CALD1: variants seen among roughly 807,000 people sequenced by gnomAD.
CALD1 encodes the protein caldesmon.
A neutral mutation model predicts 99.9 loss-of-function variants in CALD1; 33 were observed. The ratio of observed to expected loss-of-function variants is 0.33; its 90% confidence interval spans 0.25 to 0.44. CALD1 has a LOEUF of 0.44. Among genes scored for constraint, CALD1 ranks in the 20% least tolerant of loss-of-function variants. The pLI is 1.00. For missense variants in CALD1, 861 were observed against 962.1 expected, an observed-to-expected ratio of 0.89 and a Z score of 1.39; for synonymous variants, 310 against 325.0, an observed-to-expected ratio of 0.95 and a Z score of 0.50.
At chr7:134,922,725 A>G (rs1282218126) in intron 3 of CALD1, among the ~76,000 whole-genome samples, 2 of 152,172 alleles carry the variant, frequency 1.3e-5, no homozygotes, top group African/African-American at 2.4e-5. Context: ...TCCAAATGTA[A>G]TAACATCTCA....
At chr7:134,851,988 C>T (rs1800102604) in intron 2 of CALD1, among the ~76,000 whole-genome samples, 1 of 152,104 alleles carries the variant, frequency 6.6e-6, no homozygotes, top group Non-Finnish European at 1.5e-5. Context: ...CAAATATTTC[C>T]ATTCATAAAT....
At chr7:134,773,782 CTGTGTGTGTGTGTGTGTGTGTG>C (rs36104737) in intron 1 of CALD1, among the ~76,000 whole-genome samples, 1 of 138,656 alleles carries the variant, frequency 7.2e-6, no homozygotes, top group Admixed American at 7.2e-5. Flanking sequence ...AACCTCTCTT[CTGTGTGTGTGTGTGTGTGTGTG>C]TGTGTGTGTG....
At chr7:134,863,868 T>A (rs936183899) in intron 2 of CALD1, among the ~76,000 whole-genome samples, 10 of 151,620 alleles carry the variant, frequency 6.6e-5, no homozygotes, top group African/African-American at 2.4e-4. Flanking sequence ...AAAGAGAAAA[T>A]TTTTTTTAAT....
At chr7:134,908,119 CATG>C (rs1432000904) in intron 3 of CALD1, among the ~76,000 whole-genome samples, 1 of 152,066 alleles carries the variant, frequency 6.6e-6, no homozygotes, top group Non-Finnish European at 1.5e-5. Flanking sequence ...TTTGGGGTTA[CATG>C]ATGTTTTCAT....
chr7:134,835,802 AT>A (rs1799410922), intron 1 of CALD1, among the ~76,000 whole-genome samples: 1 of 152,168 alleles, frequency 6.6e-6, no homozygotes, highest in Non-Finnish European at 1.5e-5. Context: ...CAAACTGGAC[AT>A]TATTAAGTTT....
intron 7 of CALD1, among the ~76,000 whole-genome samples, chr7:134,946,178 A>G (rs1187746230): frequency 6.6e-6 from 1 of 152,176 alleles, no homozygotes; most frequent in African/African-American, 2.4e-5. Flanking sequence ...TAGATGATAT[A>G]GAAATTATAG....
At chr7:134,900,865 A>G (rs550180594) in intron 3 of CALD1, among the ~76,000 whole-genome samples, 7 of 152,190 alleles carry the variant, frequency 4.6e-5, no homozygotes, top group South Asian at 2.1e-4. Flanking sequence ...ATGGCATGAT[A>G]TCTTCTGCCA....
intron 3 of CALD1, among the ~76,000 whole-genome samples, chr7:134,922,282 C>T (rs1804674543): frequency 6.6e-6 from 1 of 152,044 alleles, no homozygotes; most frequent in African/African-American, 2.4e-5. Context: ...AAATCAGCAC[C>T]CTCCCCATAA....
At chr7:134,841,675 T>C (rs1799656150) in intron 1 of CALD1, among the ~76,000 whole-genome samples, 1 of 152,238 alleles carries the variant, frequency 6.6e-6, no homozygotes. Context: ...TTTGGCACTT[T>C]CATCTCTGGG....
At chr7:134,785,618 G>T (rs1797274402) in intron 1 of CALD1, among the ~76,000 whole-genome samples, 1 of 152,130 alleles carries the variant, frequency 6.6e-6, no homozygotes, top group Non-Finnish European at 1.5e-5. Flanking sequence ...CCTGAGTTCT[G>T]CATAGTTCGG....
chr7:134,716,470 A>G, the CALD1 span, among the ~76,000 whole-genome samples: 1 of 152,242 alleles, frequency 6.6e-6, no homozygotes, highest in Non-Finnish European at 1.5e-5. Context: ...CAAATATGAG[A>G]AAGATTTATT....
chr7:134,737,236 C>T, the CALD1 span, among the ~76,000 whole-genome samples: 2 of 152,232 alleles, frequency 1.3e-5, no homozygotes, highest in African/African-American at 4.8e-5. Flanking sequence ...GCGATCTTCC[C>T]ACCTCAGCCT....
At chr7:134,775,999 T>C (rs1440280911), upstream of CALD1, among the ~76,000 whole-genome samples, 1 of 152,198 alleles carries the variant, frequency 6.6e-6, no homozygotes, top group African/African-American at 2.4e-5. Flanking sequence ...TGAACTTAAT[T>C]CCAACAATCT....
At chr7:134,869,817 G>A (rs1158103072) in intron 3 of CALD1, among the ~76,000 whole-genome samples, 3 of 151,954 alleles carry the variant, frequency 2.0e-5, no homozygotes, top group Admixed American at 6.6e-5. Context: ...AAAGCTGAGG[G>A]GATATTCCCA....
intron 5 of CALD1, among the ~76,000 whole-genome samples, chr7:134,934,955 G>A (rs1485010052): frequency 6.6e-6 from 1 of 151,904 alleles, no homozygotes; most frequent in African/African-American, 2.4e-5. Context: ...GAGGGGGAAA[G>A]GAACTGGTTG....
intron 3 of CALD1, among the ~76,000 whole-genome samples, chr7:134,906,145 G>T (rs988471756): frequency 6.6e-5 from 10 of 151,614 alleles, no homozygotes; most frequent in African/African-American, 2.4e-4. Flanking sequence ...GGCCAGGCTG[G>T]TCTCTAACTC....
At chr7:134,713,246 C>T in the CALD1 span, among the ~76,000 whole-genome samples, 2 of 152,230 alleles carry the variant, frequency 1.3e-5, no homozygotes, top group African/African-American at 4.8e-5. Context: ...AGAACCTACA[C>T]TTCATGTTAA....
intron 1 of CALD1, among the ~76,000 whole-genome samples, chr7:134,754,386 C>T (rs1446712765): frequency 2.0e-5 from 3 of 152,188 alleles, no homozygotes; most frequent in Non-Finnish European, 2.9e-5. Context: ...TTCTTCATGA[C>T]TTTTTAATAC....
In CALD1 at chr7:134,968,587, T is replaced by TA; in HGVS notation, c.*243dup. 4.4e-6 allele frequency: 3 copies of TA among 689,440 alleles called. No homozygotes were observed. Among genetic ancestry groups the TA allele is most frequent in the Non-Finnish European group, 8.0e-6 (3 of 376,176 alleles). 42.7% of individuals were successfully genotyped at this position (689,440 alleles called of 1,614,324 possible). On this transcript the variant is annotated 3_prime_UTR_variant, in exon 15 of 15. Coordinates refer to ENST00000361675, the MANE Select transcript of CALD1 (RefSeq NM_033138.4). ...TTCTAAAGAAACCCATGCTGTGAAA[T>TA]AGAGACTTTTCTACTGATCATCATA...
Sources: allele counts gnomAD v4.1 joint callset (sites outside exome capture counted in the v4.1 genomes callset), GRCh38; gene constraint gnomAD v4.1.1; transcripts MANE v1.5; gene names NCBI Gene and HGNC (gene_info 2026-07-23, HGNC 2026-07-21).